The following MTUS1 variants were observed in gnomAD, a reference collection of about 807,000 sequenced individuals.
MTUS1 encodes the protein microtubule-associated tumor suppressor 1.
In MTUS1, 109 loss-of-function variants were observed where a neutral mutation model predicts 120.8. The ratio of observed to expected loss-of-function variants is 0.90; its 90% CI spans 0.77 to 1.06. MTUS1 has a LOEUF of 1.06. MTUS1 is among the 50% of genes least tolerant of loss of function. MTUS1 has a pLI of 0.00. For synonymous variants in MTUS1, 737 were observed against 550.5 expected, an observed-to-expected ratio of 1.34 and a Z score of -4.74; for missense variants, 2,210 against 1,486.3, an observed-to-expected ratio of 1.49 and a Z score of -8.01.
chr8:17,697,440 T>C (rs1220248340), intron 6 of MTUS1: 3 of 1,590,970 alleles, frequency 1.9e-6, no homozygotes, highest in East Asian at 4.5e-5. Context: ...TCACATACTG[T>C]CTTTTTAAAC....
intron 6 of MTUS1, among the ~76,000 whole-genome samples, chr8:17,687,475 C>G (rs531735601): frequency 6.6e-6 from 1 of 152,246 alleles, no homozygotes; most frequent in East Asian, 1.9e-4. Flanking sequence ...CAAACTTTGC[C>G]CTTACCCTTG....
At chr8:17,768,934 TG>T (rs1468074454) in intron 1 of MTUS1, among the ~76,000 whole-genome samples, 1 of 152,198 alleles carries the variant, frequency 6.6e-6, no homozygotes, top group Admixed American at 6.5e-5. Flanking sequence ...TTTTTGTTTT[TG>T]TTTTTTTAAT....
chr8:17,756,599 T>G lies in MTUS1; in HGVS notation c.-154-638A>C, dbSNP rs561047928. 4.6e-5 allele frequency among the ~76,000 whole-genome samples: 7 copies of G among 151,996 alleles called. No homozygotes were observed. In the South Asian group the frequency reaches 1.5e-3, roughly 32 times the overall value. On this transcript the variant is annotated intron_variant, in intron 1 of 14. Transcript: ENST00000693296. ...CAGTGGTACCCTGTTGGAAGTCCCT[T>G]GAAATGTGAGTTACCTTATGTTATA...
At position 17,655,994 on chromosome 8, in the gene MTUS1, C is replaced by G. The variant is rs748506316; in HGVS notation, c.2977G>C (p.Val993Leu). ...NELQTVYEAFVQQHQAEKTER... is the reference protein window; with the variant it reads ...NELQTVYEAFLQQHQAEKTER... ...GTTTTTTCAGCCTGGTGCTGCTGGACGAATGCTTCATACACTGTTTGTAAC... is the reference window on the plus strand; with the variant it reads ...GTTTTTTCAGCCTGGTGCTGCTGGAGGAATGCTTCATACACTGTTTGTAAC... The change falls in exon 9 of 15, where the codon GTC (valine) becomes CTC (leucine). Residue 993 changes from valine to leucine, a missense_variant. Val to Leu is a conservative substitution (Grantham distance 32). Transcript: ENST00000693296. 2.5e-6 allele frequency: 4 copies of G among 1,614,218 alleles called. No individual in the cohort carries two copies. Among genetic ancestry groups the G allele is most frequent in the South Asian group, 1.1e-5 (1 of 91,090 alleles).
chr8:17,739,143 AAAAACAAACAAACAG>A (rs1279933256), intron 3 of MTUS1, among the ~76,000 whole-genome samples: 1 of 152,108 alleles, frequency 6.6e-6, no homozygotes, highest in Non-Finnish European at 1.5e-5. Flanking sequence ...AATGTCTCAA[AAAAACAAACAAACAG>A]AAAACAAACA....
At chr8:17,737,551 C>T (rs1186934196) in intron 3 of MTUS1, among the ~76,000 whole-genome samples, 2 of 152,172 alleles carry the variant, frequency 1.3e-5, no homozygotes, top group Non-Finnish European at 2.9e-5. Context: ...TGCAGTGGTA[C>T]AATTATAGCT....
chr8:17,702,737 T>G (rs1819348247), intron 6 of MTUS1, among the ~76,000 whole-genome samples: 1 of 152,204 alleles, frequency 6.6e-6, no homozygotes, highest in Admixed American at 6.5e-5. Flanking sequence ...AATACTCCAG[T>G]GCACATATAT....
chr8:17,650,804 C>G (rs1806819391), intron 12 of MTUS1, among the ~76,000 whole-genome samples: 1 of 152,198 alleles, frequency 6.6e-6, no homozygotes, highest in African/African-American at 2.4e-5. Context: ...CCCACCCACT[C>G]CTTGCTTTAT....
At chr8:17,676,823 G>C (rs1171118024) in intron 7 of MTUS1, among the ~76,000 whole-genome samples, 1 of 152,164 alleles carries the variant, frequency 6.6e-6, no homozygotes, top group African/African-American at 2.4e-5. Context: ...TAGGTGAAGA[G>C]CAAGGAAAGG....
intron 1 of MTUS1, among the ~76,000 whole-genome samples, chr8:17,767,076 T>C (rs998276774): frequency 1.5e-4 from 23 of 150,850 alleles, no homozygotes; most frequent in South Asian, 6.2e-4. Context: ...GGAGAATGAA[T>C]GGAAATCACT....
intron 6 of MTUS1, among the ~76,000 whole-genome samples, chr8:17,709,752 T>C (rs973816245): frequency 2.6e-5 from 4 of 152,090 alleles, no homozygotes; most frequent in Non-Finnish European, 5.9e-5. Flanking sequence ...CTCACACCTG[T>C]AATCCCATCA....
intron 9 of MTUS1, chr8:17,654,913 ACT>A (rs1445756388): frequency 1.9e-6 from 1 of 520,198 alleles, no homozygotes; most frequent in Non-Finnish European, 3.4e-6. Flanking sequence ...ATGTCGCGAG[ACT>A]CTGTCCCCAC....
intron 1 of MTUS1, among the ~76,000 whole-genome samples, chr8:17,784,298 T>TC (rs1480588721): frequency 6.6e-6 from 1 of 150,700 alleles, no homozygotes; most frequent in East Asian, 1.9e-4. Flanking sequence ...TACAACTGTT[T>TC]TTTTTTTTTT....
chr8:17,794,263 C>T (rs1233019075), intron 1 of MTUS1, among the ~76,000 whole-genome samples: 1 of 151,772 alleles, frequency 6.6e-6, no homozygotes, highest in Non-Finnish European at 1.5e-5. Flanking sequence ...AGGAGGCGGA[C>T]ACTGCAGTGA....
At chr8:17,781,973 T>A (rs1502146) in intron 1 of MTUS1, among the ~76,000 whole-genome samples, 3 of 152,312 alleles carry the variant, frequency 2.0e-5, no homozygotes, top group Admixed American at 6.5e-5. Context: ...CTAAGTGCTA[T>A]AAAGGCCCTC....
intron 1 of MTUS1, among the ~76,000 whole-genome samples, chr8:17,797,155 T>C (rs2052309230): frequency 6.6e-6 from 1 of 152,086 alleles, no homozygotes; most frequent in African/African-American, 2.4e-5. Flanking sequence ...CTCATGCCTC[T>C]AATCCTAGCA....
intron 7 of MTUS1, among the ~76,000 whole-genome samples, chr8:17,680,466 A>C (rs200627588): frequency 6.9e-4 from 5 of 7,204 alleles, no homozygotes; most frequent in Admixed American, 2.5e-3. Context: ...CACTGTCGCA[A>C]AAAAAAAAAA....
chr8:17,772,986 T>C (rs1239646767), intron 1 of MTUS1, among the ~76,000 whole-genome samples: 2 of 152,230 alleles, frequency 1.3e-5, no homozygotes, highest in African/African-American at 4.8e-5. Context: ...AAAACTACTA[T>C]GAACTAAATT....
intron 2 of MTUS1, among the ~76,000 whole-genome samples, chr8:17,752,760 G>A (rs773393597): frequency 2.6e-5 from 4 of 152,010 alleles, no homozygotes; most frequent in Non-Finnish European, 4.4e-5. Flanking sequence ...GCCTTTCTCC[G>A]CTGGCACTTA....
Sources: allele counts gnomAD v4.1 joint callset (sites outside exome capture counted in the v4.1 genomes callset), GRCh38; gene constraint gnomAD v4.1.1; transcripts MANE v1.5; gene names NCBI Gene and HGNC (gene_info 2026-07-23, HGNC 2026-07-21).